The following OTOGL variants were observed in gnomAD, a reference collection of about 807,000 sequenced individuals.
OTOGL encodes otogelin like, also known as otogelin-like protein.
OTOGL carries 285 observed loss-of-function variants against 318.5 expected under a neutral mutation model. The observed-to-expected ratio is 0.89, with a 90% confidence interval of 0.81 to 0.99. OTOGL has a LOEUF of 0.99. Ranked by LOEUF, OTOGL falls within the 50% of genes least tolerant of loss-of-function variation. The pLI is 0.00. For missense variants in OTOGL, 2,899 were observed against 2,845.6 expected, an observed-to-expected ratio of 1.02 and a Z score of -0.43; for synonymous variants, 987 against 936.5, an observed-to-expected ratio of 1.05 and a Z score of -0.99.
intron 1 of OTOGL, among the ~76,000 whole-genome samples, chr12:80,208,829 T>C (rs1259535835): frequency 6.6e-6 from 1 of 152,190 alleles, no homozygotes; most frequent in African/African-American, 2.4e-5. Context: ...GAAATATCTG[T>C]GGGCCCATGA....
At position 80,342,155 on chromosome 12, in the gene OTOGL, A is replaced by T; in HGVS notation, c.5258A>T (p.His1753Leu). 6.4e-7 allele frequency: 1 copy of T among 1,567,720 alleles called. No homozygotes were observed. The highest frequency in any genetic ancestry group is 8.7e-7 in the Non-Finnish European group (1 of 1,153,090). Residue 1753 changes from histidine to leucine, a missense_variant, in exon 44 of 59, where the codon CAT becomes CTT. Around this residue, in one of 3 missense-constraint regions of OTOGL, gnomAD observed 2,607 missense variants for 2,524.9 expected, o/e 1.03. Transcript: ENST00000547103. The part of the protein sequence containing the change: ...LLNRRIFIPC[H>L]DKVSPEDFCE... ...AATAGAAGAATTTTCATTCCATGTC[A>T]TGATAAAGTAAGTTGGAAGCAACCA...
intron 1 of OTOGL, among the ~76,000 whole-genome samples, chr12:80,129,533 C>A (rs183529536): frequency 7.9e-5 from 12 of 152,272 alleles, no homozygotes; most frequent in Admixed American, 2.6e-4. Context: ...AGAAGAAACA[C>A]CATTTTACAG....
At chr12:80,127,606 G>A (rs1050621792) in intron 1 of OTOGL, among the ~76,000 whole-genome samples, 5 of 152,200 alleles carry the variant, frequency 3.3e-5, no homozygotes, top group Admixed American at 6.5e-5. Context: ...GATTGGGGAA[G>A]TTCTCCTGCA....
At chr12:80,124,685 C>T (rs1253041967) in intron 1 of OTOGL, among the ~76,000 whole-genome samples, 1 of 152,136 alleles carries the variant, frequency 6.6e-6, no homozygotes, top group Non-Finnish European at 1.5e-5. Context: ...GAATGTTCTT[C>T]CATTTGTTTG....
Position 80,352,302 on chromosome 12 carries a change from C to A in OTOGL, c.5273C>A (p.Pro1758Gln). ...GGCAAAATGTTTCTCTAGGTTTCAC[C>A]GGAAGACTTTTGTGAAAAGATGTGG... ...IFIPCHDKVS[P>Q]EDFCEKMWIN... is the part of the protein sequence containing the mutation. Residue 1758 changes from proline to glutamine, a missense_variant, in exon 45 of 59, where the codon CCG (proline) becomes CAG (glutamine). Around this residue, in one of 3 missense-constraint regions of OTOGL, gnomAD observed 2,607 missense variants for 2,524.9 expected, o/e 1.03. Transcript: ENST00000547103. The A allele has an allele frequency of 6.2e-7, 1 of 1,606,362 alleles. No homozygotes were observed. The highest frequency in any genetic ancestry group is 8.5e-7 in the Non-Finnish European group (1 of 1,177,630).
chr12:80,211,925 C>T, intron 3 of OTOGL, 24 bp from the exon 4 acceptor site: 1 of 1,545,810 alleles, frequency 6.5e-7, no homozygotes, highest in South Asian at 1.2e-5. Context: ...TTTGACTGTA[C>T]AAGTTCTTTT....
At chr12:80,328,964 C>T (rs1887889224) in intron 36 of OTOGL, 87 bp from the exon 37 acceptor site, 1 of 1,273,150 alleles carries the variant, frequency 7.9e-7, no homozygotes. Flanking sequence ...AAACATTTTC[C>T]TTGAAGCTAA....
At chr12:80,123,999 T>A (rs976987720) in intron 1 of OTOGL, among the ~76,000 whole-genome samples, 24 of 152,202 alleles carry the variant, frequency 1.6e-4, no homozygotes, top group Admixed American at 4.6e-4. Context: ...GCCTGCTCCC[T>A]CTGATGGTAG....
At chr12:80,178,061 C>CTTTTTTTTTTTTTTTTTTTTTTTTTTTT (rs71094968) in intron 1 of OTOGL, among the ~76,000 whole-genome samples, 2 of 74,920 alleles carry the variant, frequency 2.7e-5, no homozygotes, top group Non-Finnish European at 5.2e-5. Flanking sequence ...TTCTTTCTTT[C>CTTTTTTTTTTTTTTTTTTTTTTTTTTTT]TTTTTTTTTT....
In OTOGL at chr12:80,116,908, C is replaced by T. The variant is rs546909432; in HGVS notation, c.-20+17303C>T. ...CAAATAATTCCATAAAGTGTGTCAGCTTCCCTGAACTTTGGTTTTGTTTTC... is the reference window on the plus strand; with the variant it reads ...CAAATAATTCCATAAAGTGTGTCAGTTTCCCTGAACTTTGGTTTTGTTTTC... On this transcript the variant is annotated intron_variant, in intron 1 of 58. Transcript: ENST00000547103. 3.3e-5 allele frequency among the ~76,000 whole-genome samples: 5 copies of T among 152,288 alleles called. No homozygotes were observed. In the South Asian group the frequency reaches 1.0e-3, roughly 32 times the overall value.
At chr12:80,368,383 T>TCCCCC in intron 55 of OTOGL, 74 bp downstream of exon 55, 1 of 708,224 alleles carries the variant, frequency 1.4e-6, no homozygotes, top group South Asian at 1.8e-5. Context: ...TTGGAAAATG[T>TCCCCC]CCCCCCCCAC....
intron 26 of OTOGL, among the ~76,000 whole-genome samples, chr12:80,279,689 G>C (rs1298815279): frequency 6.6e-6 from 1 of 151,530 alleles, no homozygotes; most frequent in Admixed American, 6.6e-5. Context: ...CCTTTCCACT[G>C]TTGATGGGCA....
At chr12:80,307,824 G>A (rs1886286414) in intron 29 of OTOGL, among the ~76,000 whole-genome samples, 1 of 138,292 alleles carries the variant, frequency 7.2e-6, no homozygotes, top group Admixed American at 6.9e-5. Context: ...GCCGGGCAGA[G>A]GCACCCCTCA....
In OTOGL at chr12:80,320,600, C is replaced by T. The variant is rs1409278337; in HGVS notation, c.3981C>T (p.Ser1327=). 1.1e-5 allele frequency: 17 copies of T among 1,612,578 alleles called. No homozygotes were observed. The highest frequency in any genetic ancestry group is 1.4e-5 in the Non-Finnish European group (17 of 1,179,254). The change falls in exon 34 of 59, where the codon AGC becomes AGT. Residue 1327 remains serine (S), a synonymous_variant. Transcript: ENST00000547103. ...GTTACAGTGCATTTGAGTTATACAG[C>T]AAGAAAGGCTTTTTCATCATATTCA... ...IPGYSAFELY[S]KKGFFIIFTD...
chr12:80,213,273 G>A (rs1383336820), intron 4 of OTOGL, among the ~76,000 whole-genome samples: 1 of 152,190 alleles, frequency 6.6e-6, no homozygotes, highest in Non-Finnish European at 1.5e-5. Context: ...TGGTGGGAGT[G>A]TCTTTTAGCA....
chr12:80,329,804 T>C (rs1022377606), intron 37 of OTOGL, among the ~76,000 whole-genome samples: 1 of 152,204 alleles, frequency 6.6e-6, no homozygotes, highest in Non-Finnish European at 1.5e-5. Context: ...GAGCACCAAC[T>C]CTACCTGGTA....
chr12:80,118,656 G>C (rs538243050), intron 1 of OTOGL, among the ~76,000 whole-genome samples: 1 of 152,062 alleles, frequency 6.6e-6, no homozygotes, highest in Non-Finnish European at 1.5e-5. Flanking sequence ...GCTTTATTTG[G>C]GTGGAGTTTT....
intron 11 of OTOGL, among the ~76,000 whole-genome samples, chr12:80,250,032 G>T (rs989397269): frequency 2.0e-5 from 3 of 151,926 alleles, no homozygotes; most frequent in Non-Finnish European, 4.4e-5. Flanking sequence ...CTCGCGCACG[G>T]TGCGCGCACC....
chr12:80,344,947 A>G (rs1889064209), intron 44 of OTOGL, among the ~76,000 whole-genome samples: 1 of 147,314 alleles, frequency 6.8e-6, no homozygotes, highest in South Asian at 2.1e-4. Flanking sequence ...TATCTGCTAC[A>G]TAGATATAAA....
Sources: allele counts gnomAD v4.1 joint callset (sites outside exome capture counted in the v4.1 genomes callset), GRCh38; gene constraint gnomAD v4.1.1; regional missense constraint gnomAD v4.1.1; transcripts MANE v1.5; gene names NCBI Gene and HGNC (gene_info 2026-07-23, HGNC 2026-07-21).